MOV10L1: variants seen among roughly 807,000 people sequenced by gnomAD.
MOV10L1 encodes the protein RNA helicase Mov10l1.
In MOV10L1, 110 loss-of-function variants were observed where a neutral mutation model predicts 143.8. The ratio of observed to expected loss-of-function variants is 0.76; its 90% CI spans 0.66 to 0.90. The LOEUF (loss-of-function observed/expected upper bound fraction) is 0.90, where lower values mean the gene tolerates loss of function less well. MOV10L1 is among the 40% of genes least tolerant of loss of function. The pLI, the probability that MOV10L1 is intolerant of heterozygous loss-of-function variation, is 0.00. For missense variants in MOV10L1, 1,406 were observed against 1,526.8 expected, an observed-to-expected ratio of 0.92 and a Z score of 1.32; for synonymous variants, 593 against 581.1, an observed-to-expected ratio of 1.02 and a Z score of -0.29.
At chr22:50,095,538 T>C (rs181991760) in intron 2 of MOV10L1, 11 of 152,340 alleles carry the variant, frequency 7.2e-5, no homozygotes, top group African/African-American at 1.9e-4. Flanking sequence ...GTAGAGATGA[T>C]GTTTACCTCA....
At position 50,142,185 on chromosome 22, in the gene MOV10L1, T is replaced by C. The variant is rs377386262; in HGVS notation, c.2175T>C (p.Asp725=). The C allele has an allele frequency of 2.0e-5, 32 of 1,609,118 alleles. No homozygotes were observed. Among genetic ancestry groups the C allele is most frequent in the Middle Eastern group, 1.7e-4 (1 of 6,058 alleles). ...CACCCTTTACTGCAGAGATGAGCGA[T>C]TGGGGTATGTGCTCATGAGGGGCAA... ...VLAPFTAEMS[D]WVDEIQTPKA... is the part of the protein sequence containing the mutation. Residue 725 remains aspartate, a synonymous_variant, in exon 16 of 27, where the codon GAT becomes GAC. Coordinates refer to ENST00000262794, the MANE Select transcript of MOV10L1 (RefSeq NM_018995.3).
In MOV10L1 at chr22:50,150,600, C is replaced by G; in HGVS notation, c.2728-135C>G. The G allele has an allele frequency of 4.0e-6, 4 of 1,000,186 alleles. No individual in the cohort carries two copies. In the South Asian group the frequency reaches 6.5e-5, roughly 16 times the overall value. 62.0% of individuals were successfully genotyped at this position (1,000,186 alleles called of 1,614,324 possible). On this transcript the variant is annotated intron_variant, in intron 20 of 26. Transcript: ENST00000262794. Reference sequence around the variant, plus strand: ...AGCCCTGTCGGCATTCCCTGGTCTCCCAGTCCCTCCCGTCGTCCCCTGCAG... The same window carrying G: ...AGCCCTGTCGGCATTCCCTGGTCTCGCAGTCCCTCCCGTCGTCCCCTGCAG...
chr22:50,121,177 C>G (rs1164487105), intron 10 of MOV10L1, among the ~76,000 whole-genome samples: 1 of 152,152 alleles, frequency 6.6e-6, no homozygotes, highest in East Asian at 1.9e-4. Flanking sequence ...TTGAGGTGTT[C>G]TGAGAGTCCC....
At chr22:50,161,344 C>G in intron 26 of MOV10L1, 24 bp from the exon 27 acceptor site, 1 of 1,539,980 alleles carries the variant, frequency 6.5e-7, no homozygotes, top group Non-Finnish European at 8.8e-7. Context: ...GCTCACTGGC[C>G]ATCCGCTTCT....
rs201029826 is a variant in MOV10L1 at position 50,149,579 on chromosome 22, C to A, written c.2628-36C>A. ...AGAGGCATCAATTGCTAAAACAATT[C>A]GGCAGAAATTACCATTTAGAACATC... On this transcript the variant is annotated intron_variant, in intron 19 of 26. Coordinates refer to ENST00000262794, the MANE Select transcript of MOV10L1 (RefSeq NM_018995.3). The A allele has an allele frequency of 6.2e-6, 10 of 1,601,822 alleles. No individual in the cohort carries two copies. In the South Asian group the frequency reaches 7.8e-5, roughly 12 times the overall value.
At chr22:50,129,546 G>A (rs2062612730) in intron 13 of MOV10L1, among the ~76,000 whole-genome samples, 1 of 152,190 alleles carries the variant, frequency 6.6e-6, no homozygotes, top group Admixed American at 6.5e-5. Flanking sequence ...ATTGTTTGCT[G>A]TTACGATTGT....
At chr22:50,161,345 A>G (rs760704829) in intron 26 of MOV10L1, 23 bp from the exon 27 acceptor site, 2 of 1,544,820 alleles carry the variant, frequency 1.3e-6, no homozygotes, top group South Asian at 2.4e-5. Context: ...CTCACTGGCC[A>G]TCCGCTTCTC....
chr22:50,121,361 C>T (rs1041901912), intron 10 of MOV10L1, among the ~76,000 whole-genome samples: 2 of 152,170 alleles, frequency 1.3e-5, no homozygotes, highest in African/African-American at 4.8e-5. Context: ...GCCCCATGAC[C>T]GGGGTTCCTC....
At chr22:50,132,839 A>T (rs1316032255) in intron 13 of MOV10L1, among the ~76,000 whole-genome samples, 1 of 152,166 alleles carries the variant, frequency 6.6e-6, no homozygotes, top group East Asian at 1.9e-4. Context: ...GTTTGAGACC[A>T]GTCTAGCCCA....
intron 3 of MOV10L1, among the ~76,000 whole-genome samples, chr22:50,105,884 C>G (rs1217888533): frequency 6.6e-6 from 1 of 152,144 alleles, no homozygotes; most frequent in African/African-American, 2.4e-5. Flanking sequence ...AGTTCAGGAA[C>G]TTGTACGTGC....
rs112234230 is a variant in MOV10L1 at position 50,161,115 on chromosome 22, C to T, written c.3554+60C>T. 2.8e-5 allele frequency: 43 copies of T among 1,510,518 alleles called. No homozygotes were observed. In the African/African-American group the frequency reaches 3.3e-4, roughly 12 times the overall value. 93.6% of individuals were successfully genotyped at this position (1,510,518 alleles called of 1,614,324 possible). A position where few individuals can be genotyped will look rare whatever the true frequency, so the allele number is the denominator to read the frequency against. ...TGGCTCTAGAACGTGCTCTAGCCTG[C>T]CCTCCCCTGCTCCCCTCACCCCCAT... On this transcript the variant is annotated intron_variant, in intron 26 of 26. Transcript: ENST00000262794.
intron 3 of MOV10L1, 61 bp from the exon 4 acceptor site, chr22:50,108,075 A>G: frequency 6.9e-7 from 1 of 1,458,378 alleles, no homozygotes; most frequent in South Asian, 1.2e-5. Flanking sequence ...TCAGTGCACC[A>G]TGACCTCAGA....
chr22:50,098,263 TAATAATCAC>T lies in MOV10L1; in HGVS notation c.283-1178_283-1170del, dbSNP rs1569268564. 8.9e-3 allele frequency among the ~76,000 whole-genome samples: 751 copies of T among 84,464 alleles called. 5 individuals are homozygous for T. Among genetic ancestry groups the T allele is most frequent in the Non-Finnish European group, 0.018 (577 of 31,890 alleles). 55.4% of individuals were successfully genotyped at this position (84,464 alleles called of 152,430 possible). ...ATAATAATTATTAAGATTAACATCT[TAATAATCAC>T]ATAATCACTTTGAGTAGTATTATCA... On this transcript the variant is annotated intron_variant, in intron 2 of 26. Coordinates refer to ENST00000262794, the MANE Select transcript of MOV10L1 (RefSeq NM_018995.3).
intron 3 of MOV10L1, among the ~76,000 whole-genome samples, chr22:50,106,417 C>G (rs2061869391): frequency 6.7e-6 from 1 of 148,502 alleles, no homozygotes; most frequent in African/African-American, 2.5e-5. Context: ...CTTCCCACCT[C>G]AGCCTCACAA....
At chr22:50,120,448 A>T in intron 9 of MOV10L1, 54 bp from the exon 10 acceptor site, 1 of 1,119,924 alleles carries the variant, frequency 8.9e-7, no homozygotes, top group Non-Finnish European at 1.3e-6. Flanking sequence ...AAGAATGTCT[A>T]GTGATACCTG....
chr22:50,134,501 C>G (rs377023405), intron 14 of MOV10L1, 29 bp from the exon 15 acceptor site: 1 of 1,585,110 alleles, frequency 6.3e-7, no homozygotes, highest in Non-Finnish European at 8.7e-7. Context: ...TAGTTATACC[C>G]GTGCTCTTAC....
intron 18 of MOV10L1, 70 bp downstream of exon 18, chr22:50,144,313 C>T: frequency 1.3e-6 from 2 of 1,500,758 alleles, no homozygotes; most frequent in Non-Finnish European, 8.9e-7. Context: ...GCCAAGTGGA[C>T]AGGGGAGGGC....
intron 2 of MOV10L1, chr22:50,094,218 ATGTC>A (rs2062529339): frequency 6.6e-6 from 1 of 151,558 alleles, no homozygotes. Context: ...TCTTTTCCAT[ATGTC>A]TGTCCATTTA....
Position 50,161,048 on chromosome 22 carries a change from C to A in MOV10L1, c.3547C>A (p.Leu1183Met). 6.2e-7 allele frequency: 1 copy of A among 1,614,010 alleles called. No homozygotes were observed. The highest frequency in any genetic ancestry group is 1.1e-5 in the South Asian group (1 of 91,076). ...CGATTTACCTCCTGCACTGCAGTCT[C>A]TGCAAAAGTGAGCGCTTCTGCTGTC... ...GCDLPPALQSLQNCGEGVADP... is the reference protein window; with the variant it reads ...GCDLPPALQSMQNCGEGVADP... Residue 1183 changes from leucine to methionine, a missense_variant, in exon 26 of 27, where the codon CTG becomes ATG. Coordinates refer to ENST00000262794, the MANE Select transcript of MOV10L1 (RefSeq NM_018995.3).
Sources: gnomAD v4.1 joint callset for allele counts (sites outside exome capture counted in the v4.1 genomes callset) on GRCh38, gnomAD v4.1.1 for gene constraint, MANE v1.5 for transcripts, NCBI Gene and HGNC (gene_info 2026-07-23, HGNC 2026-07-21) for gene names.